The following AHNAK variants were observed in gnomAD, a reference collection of about 807,000 sequenced individuals.
AHNAK encodes the protein neuroblast differentiation-associated protein AHNAK.
Under a neutral mutation model 37.8 loss-of-function variants are expected in AHNAK, and 23 were observed. The ratio of observed to expected loss-of-function variants is 0.61; its 90% CI spans 0.44 to 0.86. The LOEUF (loss-of-function observed/expected upper bound fraction) is 0.86. Among genes scored for constraint, AHNAK ranks in the 40% least tolerant of loss-of-function variants. The pLI is 0.00. For synonymous variants in AHNAK, 2,481 were observed against 2,636.3 expected (o/e 0.94, Z 1.80); for missense variants, 7,411 against 7,319.4 (o/e 1.01, Z -0.46).
chr11:62,443,779 T>C (rs1296943290), intron 5 of AHNAK, among the ~76,000 whole-genome samples: 1 of 152,168 alleles, frequency 6.6e-6, no homozygotes, highest in African/African-American at 2.4e-5. Context: ...CTTCTGGTGA[T>C]GAAAGAGGAA....
intron 5 of AHNAK, among the ~76,000 whole-genome samples, chr11:62,456,672 G>A (rs541998983): frequency 1.5e-4 from 23 of 152,144 alleles, no homozygotes; most frequent in African/African-American, 5.1e-4. Context: ...GTCACCCCAC[G>A]AGCCCATCAA....
chr11:62,540,452 T>C (rs925635586), intron 1 of AHNAK, among the ~76,000 whole-genome samples: 9 of 152,080 alleles, frequency 5.9e-5, no homozygotes, highest in Admixed American at 2.0e-4. Context: ...GCTGGGACCC[T>C]AGTCCCAGAG....
At chr11:62,448,035 T>G (rs1408105243) in intron 5 of AHNAK, among the ~76,000 whole-genome samples, 1 of 151,848 alleles carries the variant, frequency 6.6e-6, no homozygotes. Context: ...GTTTGAAGAA[T>G]GGGAAGGAGC....
chr11:62,530,678 C>G lies in AHNAK; in HGVS notation c.3739G>C (p.Gly1247Arg), dbSNP rs1256163849. The change falls in exon 5 of 5, where the codon GGC becomes CGC. Residue 1247 changes from glycine to arginine, a missense_variant. Physicochemically the swap from Gly to Arg is moderately radical, Grantham distance 125. Transcript: ENST00000378024. ...GGCATCTTCAGGTGCCAGTCTGGGC[C>G]TTGAACCTCCACATCTGGGGCATCA... ...DIDAPDVEVQGPDWHLKMPKM... is the reference protein window; with the variant it reads ...DIDAPDVEVQRPDWHLKMPKM... 6.2e-7 allele frequency: 1 copy of G among 1,613,764 alleles called. No homozygotes were observed. The highest frequency in any genetic ancestry group is 2.2e-5 in the East Asian group (1 of 44,850).
At chr11:62,467,078 C>T (rs1938926717) in intron 5 of AHNAK, among the ~76,000 whole-genome samples, 1 of 152,038 alleles carries the variant, frequency 6.6e-6, no homozygotes, top group Non-Finnish European at 1.5e-5. Context: ...GAGGCGCATG[C>T]CTGTAGTCCC....
chr11:62,491,756 C>T, exon 5 of AHNAK: 1 of 1,612,500 alleles, frequency 6.2e-7, no homozygotes, highest in South Asian at 1.1e-5. Flanking sequence ...GAGACTGAAA[C>T]TGCCCCGGCT....
intron 1 of AHNAK, among the ~76,000 whole-genome samples, chr11:62,540,048 C>T (rs1941076069): frequency 6.6e-6 from 1 of 152,198 alleles, no homozygotes; most frequent in Non-Finnish European, 1.5e-5. Flanking sequence ...TCTCCTCCCA[C>T]ACAAGTTAGG....
At chr11:62,468,586 C>A (rs975559442) in intron 5 of AHNAK, among the ~76,000 whole-genome samples, 3 of 152,088 alleles carry the variant, frequency 2.0e-5, no homozygotes, top group Middle Eastern at 3.2e-3. Context: ...AACTGTTCAT[C>A]TGACCTTCTG....
chr11:62,475,382 A>C (rs1939122703), intron 5 of AHNAK, among the ~76,000 whole-genome samples: 1 of 152,158 alleles, frequency 6.6e-6, no homozygotes, highest in African/African-American at 2.4e-5. Context: ...ATGGAGGTGG[A>C]GGCCATTATC....
chr11:62,466,310 ACT>A (rs1442528186), intron 5 of AHNAK, among the ~76,000 whole-genome samples: 1 of 151,566 alleles, frequency 6.6e-6, no homozygotes, highest in African/African-American at 2.4e-5. Flanking sequence ...ACAGAGCAAG[ACT>A]CTGTCTCAAA....
At chr11:62,542,390 TCCCACCA>T (rs1293613488) in intron 1 of AHNAK, among the ~76,000 whole-genome samples, 2 of 151,934 alleles carry the variant, frequency 1.3e-5, no homozygotes, top group African/African-American at 4.8e-5. Context: ...CAGCCACAAC[TCCCACCA>T]GGAGGAAGTT....
At chr11:62,463,313 C>T (rs186550428) in intron 5 of AHNAK, among the ~76,000 whole-genome samples, 1 of 152,162 alleles carries the variant, frequency 6.6e-6, no homozygotes, top group African/African-American at 2.4e-5. Context: ...AGTACACACC[C>T]CACACTCACG....
At chr11:62,536,938 T>C (rs1940967551) in intron 1 of AHNAK, among the ~76,000 whole-genome samples, 1 of 151,792 alleles carries the variant, frequency 6.6e-6, no homozygotes, top group South Asian at 2.1e-4. Flanking sequence ...TTTTTATTTA[T>C]GTATTTTATT....
chr11:62,476,999 C>T (rs1939161423), intron 5 of AHNAK, among the ~76,000 whole-genome samples: 1 of 152,166 alleles, frequency 6.6e-6, no homozygotes, highest in African/African-American at 2.4e-5. Flanking sequence ...TGACAATGCC[C>T]GACCGCATGT....
chr11:62,470,064 G>C (rs1460365564), intron 5 of AHNAK, among the ~76,000 whole-genome samples: 1 of 152,144 alleles, frequency 6.6e-6, no homozygotes, highest in African/African-American at 2.4e-5. Flanking sequence ...CAGCACTTTG[G>C]GAGGCCAAGG....
At chr11:62,462,948 T>A (rs575309841) in intron 5 of AHNAK, among the ~76,000 whole-genome samples, 1 of 151,996 alleles carries the variant, frequency 6.6e-6, no homozygotes, top group African/African-American at 2.4e-5. Flanking sequence ...CTGGTCAACA[T>A]GGAGAAACCC....
At chr11:62,450,452 C>G (rs983850532) in intron 5 of AHNAK, among the ~76,000 whole-genome samples, 1 of 152,164 alleles carries the variant, frequency 6.6e-6, no homozygotes, top group South Asian at 2.1e-4. Flanking sequence ...CTTGGCCCCC[C>G]AAAGTACTGG....
intron 5 of AHNAK, among the ~76,000 whole-genome samples, chr11:62,471,776 G>A (rs527796783): frequency 1.3e-5 from 2 of 152,310 alleles, no homozygotes; most frequent in African/African-American, 2.4e-5. Flanking sequence ...TGGGAGACTG[G>A]CCGGGATGCG....
chr11:62,499,970 G>A (rs3888584), intron 4 of AHNAK, among the ~76,000 whole-genome samples: 6,153 of 152,244 alleles, frequency 0.04, 416 homozygotes, highest in African/African-American at 0.14. Flanking sequence ...CTGCTCCTGG[G>A]TGCCCTCACT....
Sources: gnomAD v4.1 joint callset for allele counts (sites outside exome capture counted in the v4.1 genomes callset) on GRCh38, gnomAD v4.1.1 for gene constraint, MANE v1.5 for transcripts, NCBI Gene and HGNC (gene_info 2026-07-23, HGNC 2026-07-21) for gene names.